JAK1: variants seen among roughly 807,000 people sequenced by gnomAD.
The protein encoded by JAK1 is tyrosine-protein kinase JAK1.
JAK1 carries 16 observed loss-of-function variants against 136.6 expected under a neutral mutation model. The observed-to-expected ratio is 0.12, with a 90% CI of 0.08 to 0.18. The LOEUF is 0.18. Ranked by LOEUF, JAK1 falls within the 10% of genes least tolerant of loss-of-function variation. JAK1 has a pLI of 1.00. For synonymous variants in JAK1, 492 were observed against 519.5 expected (o/e 0.95, Z 0.72); for missense variants, 859 against 1,450.1 (o/e 0.59, Z 6.62).
chr1:64,836,428 T>C (rs1654484047), intron 22 of JAK1, among the ~76,000 whole-genome samples: 1 of 152,150 alleles, frequency 6.6e-6, no homozygotes, highest in African/African-American at 2.4e-5. Flanking sequence ...CGGTAGCACG[T>C]ATCTGCCCTA....
chr1:64,914,768 T>C (rs1474932111), intron 1 of JAK1, among the ~76,000 whole-genome samples: 1 of 152,188 alleles, frequency 6.6e-6, no homozygotes, highest in Non-Finnish European at 1.5e-5. Context: ...TTCACCATGT[T>C]GGCCAGGCTG....
intron 3 of JAK1, among the ~76,000 whole-genome samples, chr1:64,881,949 T>C (rs2101247997): frequency 6.6e-6 from 1 of 152,234 alleles, no homozygotes; most frequent in East Asian, 1.9e-4. Context: ...AAACAAAGCC[T>C]TAAAAAAAAC....
chr1:65,031,064 G>A (rs1647019217), intron 2 of JAK1, among the ~76,000 whole-genome samples: 1 of 150,938 alleles, frequency 6.6e-6, no homozygotes, highest in African/African-American at 2.4e-5. Flanking sequence ...TGAGGTGGGA[G>A]GATCAGTTGA....
chr1:64,979,051 G>A (rs564051278), intron 2 of JAK1, among the ~76,000 whole-genome samples: 3 of 152,184 alleles, frequency 2.0e-5, no homozygotes, highest in Admixed American at 1.3e-4. Context: ...GATAACTGAA[G>A]TGTAAAGTTT....
intron 2 of JAK1, among the ~76,000 whole-genome samples, chr1:64,998,256 G>A (rs1183032563): frequency 6.6e-6 from 1 of 151,976 alleles, no homozygotes; most frequent in Non-Finnish European, 1.5e-5. Flanking sequence ...ATGAGGGAGA[G>A]GAAATAGTAA....
intron 1 of JAK1, among the ~76,000 whole-genome samples, chr1:65,065,138 T>C (rs1227101821): frequency 6.6e-6 from 1 of 152,194 alleles, no homozygotes; most frequent in Admixed American, 6.5e-5. Context: ...TAGTTCTATT[T>C]TGAGCCTTCT....
chr1:65,018,738 C>T lies in JAK1; in HGVS notation c.-78+25742G>A, dbSNP rs369307681. On this transcript the variant is annotated intron_variant, in intron 2 of 25. Coordinates refer to the JAK1 transcript ENST00000671954. ...TGAAAAAAATAATAAAGGCCGGGCC[C>T]GGCGGCTCACGCCTGTAATCCCAGC... Among the ~76,000 whole-genome samples, 40 of 152,292 alleles carry T rather than the reference C, an allele frequency of 2.6e-4. 1 individual carries two copies. Among genetic ancestry groups the T allele is most frequent in the Admixed American group, 3.3e-4 (5 of 15,304 alleles).
At chr1:65,029,085 G>A (rs890160491) in intron 2 of JAK1, among the ~76,000 whole-genome samples, 5 of 151,962 alleles carry the variant, frequency 3.3e-5, no homozygotes, top group African/African-American at 1.2e-4. Context: ...TACAATAGTG[G>A]GTATTTATTT....
chr1:64,917,389 G>A (rs1374500649), intron 1 of JAK1, among the ~76,000 whole-genome samples: 2 of 152,232 alleles, frequency 1.3e-5, no homozygotes, highest in South Asian at 4.1e-4. Context: ...AATAACAGGA[G>A]ACAGGCTCCA....
Position 64,834,120 on chromosome 1 carries a change from A to G in JAK1, c.*442T>C, listed in dbSNP as rs115820538. ...TGAAATTTGAGGGCTAAGTCCATCAATCTTTCTTTATCTATGATTAATGTG... is the reference window on the plus strand; with the variant it reads ...TGAAATTTGAGGGCTAAGTCCATCAGTCTTTCTTTATCTATGATTAATGTG... On this transcript the variant is annotated 3_prime_UTR_variant, in exon 25 of 25. Transcript: ENST00000342505. 68 of 246,710 alleles carry G rather than the reference A, an allele frequency of 2.8e-4. No individual in the cohort carries two copies. Among genetic ancestry groups the G allele is most frequent in the African/African-American group, 1.4e-3 (63 of 45,692 alleles). The allele number at this position is 246,710 out of a possible 1,614,324, so 15.3% of individuals were successfully genotyped here. A position where few individuals can be genotyped will look rare whatever the true frequency, so the allele number is the denominator to read the frequency against.
chr1:64,964,464 G>A (rs1646337753), intron 1 of JAK1, among the ~76,000 whole-genome samples: 1 of 152,234 alleles, frequency 6.6e-6, no homozygotes, highest in South Asian at 2.1e-4. Flanking sequence ...CCAAGCTCAT[G>A]TTAAGATCCT....
chr1:64,871,248 C>T lies in JAK1; in HGVS notation c.484-1774G>A, dbSNP rs1467541094. Among the ~76,000 whole-genome samples the T allele has an allele frequency of 2.6e-5, 4 of 152,206 alleles. No homozygotes were observed. The East Asian group carries it at 7.7e-4, about 29-fold the overall frequency. On this transcript the variant is annotated intron_variant, in intron 5 of 24. Coordinates refer to ENST00000342505, the MANE Select transcript of JAK1 (RefSeq NM_002227.4). ...GATAATGGACAATTAGTAACTAAAGCCCTACAGTGGGACATAACTCTGACA... is the reference window on the plus strand; with the variant it reads ...GATAATGGACAATTAGTAACTAAAGTCCTACAGTGGGACATAACTCTGACA...
intron 9 of JAK1, chr1:64,859,574 G>GCTGAC (rs1459816475): frequency 6.6e-6 from 1 of 152,304 alleles, no homozygotes; most frequent in Non-Finnish European, 1.5e-5. Context: ...CTTGGGACAA[G>GCTGAC]CTGACTGACA....
At chr1:64,953,465 G>A (rs558601206) in intron 1 of JAK1, among the ~76,000 whole-genome samples, 1 of 152,080 alleles carries the variant, frequency 6.6e-6, no homozygotes, top group Admixed American at 6.6e-5. Flanking sequence ...GGTACGCTCA[G>A]ACCCACACAG....
intron 2 of JAK1, among the ~76,000 whole-genome samples, chr1:65,007,519 G>T (rs1349438306): frequency 6.6e-6 from 1 of 152,090 alleles, no homozygotes; most frequent in African/African-American, 2.4e-5. Context: ...GGAGTGCAAT[G>T]GTGCAATCTC....
chr1:64,985,027 C>G (rs537890751), intron 2 of JAK1: 2 of 857,192 alleles, frequency 2.3e-6, no homozygotes, highest in Admixed American at 1.7e-5. Context: ...TTACACTCAT[C>G]CTTCAATAAC....
intron 7 of JAK1, among the ~76,000 whole-genome samples, chr1:64,866,495 T>C (rs1207386705): frequency 1.3e-5 from 2 of 152,258 alleles, no homozygotes; most frequent in Non-Finnish European, 2.9e-5. Flanking sequence ...CTCTTTGTAT[T>C]CATCCGTAAA....
At chr1:64,840,432 C>G (rs928711159) in intron 19 of JAK1, among the ~76,000 whole-genome samples, 4 of 152,214 alleles carry the variant, frequency 2.6e-5, no homozygotes, top group Non-Finnish European at 4.4e-5. Context: ...AGACACAAAT[C>G]TCAGTAGCTT....
chr1:64,925,715 A>G (rs1021770549), intron 1 of JAK1, among the ~76,000 whole-genome samples: 37 of 152,208 alleles, frequency 2.4e-4, no homozygotes, highest in South Asian at 6.2e-4. Context: ...TCAGGCACAT[A>G]GTGTCATGCA....
Sources: allele counts gnomAD v4.1 joint callset (sites outside exome capture counted in the v4.1 genomes callset), GRCh38; gene constraint gnomAD v4.1.1; transcripts MANE v1.5; gene names NCBI Gene and HGNC (gene_info 2026-07-23, HGNC 2026-07-21).